Variants in DNAH10 observed in about 807,000 individuals in gnomAD.
The protein encoded by DNAH10 is axonemal beta dynein heavy chain 10.
A neutral mutation model predicts 506.6 loss-of-function variants in DNAH10; 348 were observed. The observed-to-expected ratio is 0.69, with a 90% confidence interval of 0.63 to 0.75. The LOEUF is 0.75. Ranked by LOEUF, DNAH10 falls within the 30% of genes least tolerant of loss-of-function variation. The probability of loss-of-function intolerance (pLI) is 0.00; values close to 1 mark genes in which losing one functional copy is unlikely to be tolerated. For missense variants in DNAH10, 5,179 were observed against 5,787.1 expected (o/e 0.89, Z 3.41); for synonymous variants, 2,059 against 2,198.6 (o/e 0.94, Z 1.78).
intron 40 of DNAH10, 93 bp from the exon 41 acceptor site, chr12:123,865,858 A>G (rs551242763): frequency 7.8e-7 from 1 of 1,274,356 alleles, no homozygotes; most frequent in African/African-American, 1.5e-5. Flanking sequence ...GATTTCATGC[A>G]GTTGTAAAAA....
intron 11 of DNAH10, among the ~76,000 whole-genome samples, chr12:123,793,487 C>T (rs1040281047): frequency 2.0e-5 from 3 of 152,036 alleles, no homozygotes; most frequent in African/African-American, 7.2e-5. Context: ...TACAGGCGCC[C>T]ACCACCATGC....
At chr12:123,856,176 T>C (rs1951381749) in intron 36 of DNAH10, among the ~76,000 whole-genome samples, 1 of 147,296 alleles carries the variant, frequency 6.8e-6, no homozygotes, top group South Asian at 2.1e-4. Flanking sequence ...TTAATTTATA[T>C]GAATGATATA....
intron 40 of DNAH10, among the ~76,000 whole-genome samples, 187 bp from the exon 41 acceptor site, chr12:123,865,764 T>G (rs1477440531): frequency 2.6e-5 from 4 of 152,230 alleles, no homozygotes; most frequent in Non-Finnish European, 4.4e-5. Flanking sequence ...AGATGTTACA[T>G]CAGAAGTGTG....
Position 123,762,596 on chromosome 12 carries a change from C to G in DNAH10, c.214+46C>G. The stretch of plus-strand genomic sequence containing the variant: ...CCCTTCCCCGGGCTTCCCTCCTGCC[C>G]GTCCCGGCCTCTCCGGCGGGCGCCG... On this transcript the variant is annotated intron_variant, in intron 1 of 78. Transcript: ENST00000673944. This position sits in a 1 kb window ranked among gnomAD's most constrained non-coding sequence, Gnocchi z 5.0. 2.0e-6 allele frequency: 3 copies of G among 1,510,320 alleles called. No individual in the cohort carries two copies. The highest frequency in any genetic ancestry group is 1.2e-5 in the South Asian group (1 of 80,762). The allele number at this position is 1,510,320 out of a possible 1,614,324, so 93.6% of individuals were successfully genotyped here. A position where few individuals can be genotyped will look rare whatever the true frequency, so the allele number is the denominator to read the frequency against.
At chr12:123,914,660 C>A (rs1284320966) in intron 61 of DNAH10, 110 bp downstream of exon 61, 1 of 1,410,046 alleles carries the variant, frequency 7.1e-7, no homozygotes. Context: ...ACCAGGACCA[C>A]AGTTGGCTCG....
chr12:123,786,853 T>C (rs1957874693), intron 9 of DNAH10, among the ~76,000 whole-genome samples: 1 of 152,058 alleles, frequency 6.6e-6, no homozygotes, highest in Non-Finnish European at 1.5e-5. Flanking sequence ...TCTATATAGA[T>C]GAGGCCGGGT....
At chr12:123,885,643 G>A (rs1026321175) in intron 51 of DNAH10, among the ~76,000 whole-genome samples, 1 of 152,062 alleles carries the variant, frequency 6.6e-6, no homozygotes, top group Non-Finnish European at 1.5e-5. Flanking sequence ...GGGGATGCAG[G>A]ACAGAAGGAA....
At chr12:123,878,957 T>C (rs1053908999) in intron 48 of DNAH10, among the ~76,000 whole-genome samples, 10 of 152,134 alleles carry the variant, frequency 6.6e-5, no homozygotes, top group Non-Finnish European at 1.5e-5. Flanking sequence ...GATTTTAAAT[T>C]CATGTATTCC....
At chr12:123,871,823 C>T (rs1019483888) in intron 45 of DNAH10, among the ~76,000 whole-genome samples, 11 of 152,182 alleles carry the variant, frequency 7.2e-5, no homozygotes, top group African/African-American at 2.7e-4. Flanking sequence ...GGAGGATCCT[C>T]ATTTGAGATG....
At chr12:123,889,402 G>A (rs368900713) in intron 52 of DNAH10, among the ~76,000 whole-genome samples, 45 of 152,242 alleles carry the variant, frequency 3.0e-4, no homozygotes, top group African/African-American at 9.9e-4. Flanking sequence ...AGGGGGGATC[G>A]GGTCATCCAC....
At chr12:123,829,151 T>C (rs1594129763) in intron 25 of DNAH10, among the ~76,000 whole-genome samples, 3 of 152,242 alleles carry the variant, frequency 2.0e-5, no homozygotes, top group Non-Finnish European at 4.4e-5. Flanking sequence ...TTAGGGATGT[T>C]TAGGCATTAG....
chr12:123,871,231 G>A (rs1344372964), intron 44 of DNAH10, among the ~76,000 whole-genome samples: 1 of 152,204 alleles, frequency 6.6e-6, no homozygotes, highest in East Asian at 1.9e-4. Flanking sequence ...CTCAAAACCG[G>A]CTTGGGCGTT....
At chr12:123,857,011 GT>G in intron 36 of DNAH10, 44 bp from the exon 37 acceptor site, 1 of 1,554,554 alleles carries the variant, frequency 6.4e-7, no homozygotes, top group South Asian at 1.2e-5. Flanking sequence ...AAAGCACTGG[GT>G]TCCTTTGGAA....
intron 33 of DNAH10, 91 bp downstream of exon 33, chr12:123,848,186 C>T (rs978664462): frequency 9.3e-6 from 14 of 1,510,170 alleles, no homozygotes; most frequent in Admixed American, 8.3e-5. Context: ...TTTGACATGG[C>T]GACAGTGGAA....
intron 12 of DNAH10, 143 bp downstream of exon 12, chr12:123,794,255 G>A (rs997853747): frequency 3.3e-5 from 17 of 515,240 alleles, no homozygotes; most frequent in Middle Eastern, 8.4e-4. Context: ...CGTAATACAC[G>A]TAACCCGAAC....
intron 19 of DNAH10, among the ~76,000 whole-genome samples, chr12:123,809,997 C>T (rs573686716): frequency 9.8e-5 from 15 of 152,314 alleles, no homozygotes; most frequent in African/African-American, 3.1e-4. Flanking sequence ...CTTCCTACCA[C>T]GTACCACTCT....
intron 24 of DNAH10, among the ~76,000 whole-genome samples, chr12:123,825,497 T>A (rs963733769): frequency 6.6e-6 from 1 of 152,184 alleles, no homozygotes; most frequent in Non-Finnish European, 1.5e-5. Flanking sequence ...CGCAACAACA[T>A]GGGCGACTCT....
At chr12:123,842,567 A>G (rs1950810528) in intron 30 of DNAH10, among the ~76,000 whole-genome samples, 1 of 152,246 alleles carries the variant, frequency 6.6e-6, no homozygotes, top group Non-Finnish European at 1.5e-5. Flanking sequence ...CAAAGTGAAA[A>G]CATCTACTTA....
chr12:123,793,506 T>G (rs1227199152), intron 11 of DNAH10, among the ~76,000 whole-genome samples: 4 of 152,060 alleles, frequency 2.6e-5, no homozygotes, highest in Non-Finnish European at 5.9e-5. Flanking sequence ...GCCCGGCTAA[T>G]TTTTTGTATT....
Sources: allele counts gnomAD v4.1 joint callset (sites outside exome capture counted in the v4.1 genomes callset), GRCh38; gene constraint gnomAD v4.1.1; non-coding constraint Gnocchi (gnomAD v3.1); transcripts MANE v1.5; gene names NCBI Gene and HGNC (gene_info 2026-07-23, HGNC 2026-07-21).